NUTM2A: variants seen among roughly 807,000 people sequenced by gnomAD.
NUTM2A encodes NUT family member 2A, also known as family with sequence similarity 22, member A.
Under a neutral mutation model 24.4 loss-of-function variants are expected in NUTM2A, and 3 were observed. The ratio of observed to expected loss-of-function variants is 0.12; its 90% confidence interval spans 0.06 to 0.32. NUTM2A has a LOEUF of 0.32. Ranked by LOEUF, NUTM2A falls within the 10% of genes least tolerant of loss-of-function variation. The pLI is 1.00. For synonymous variants in NUTM2A, 11 were observed against 278.4 expected (o/e 0.04, Z 9.56); for missense variants, 39 against 631.1 (o/e 0.06, Z 10.05).
At chr10:87,233,206 A>C (rs1195247753) in intron 5 of NUTM2A, among the ~76,000 whole-genome samples, 2 of 90,362 alleles carry the variant, frequency 2.2e-5, no homozygotes, top group East Asian at 4.9e-4. Flanking sequence ...GTGAGTGTGG[A>C]GTGTGTACGT....
Position 87,234,835 on chromosome 10 carries a change from G to C in NUTM2A, c.*127G>C, listed in dbSNP as rs1849411781. The C allele has an allele frequency of 7.6e-7, 1 of 1,319,890 alleles. No homozygotes were observed. Among genetic ancestry groups the C allele is most frequent in the Non-Finnish European group, 1.0e-6 (1 of 992,820 alleles). The allele number at this position is 1,319,890 out of a possible 1,614,324, so 81.8% of individuals were successfully genotyped here. Reference sequence around the variant, plus strand: ...TGCTGGGCCTTAGCTTTGGAGGGTAGGGGAGGGAGGGGAGGGAGAGGGTGG... The same window carrying C: ...TGCTGGGCCTTAGCTTTGGAGGGTACGGGAGGGAGGGGAGGGAGAGGGTGG... On this transcript the variant is annotated 3_prime_UTR_variant, in exon 7 of 7. Coordinates refer to ENST00000381707, the MANE Select transcript of NUTM2A (RefSeq NM_001099338.2).
chr10:87,229,440 T>C, intron 2 of NUTM2A, among the ~76,000 whole-genome samples: 1 of 152,352 alleles, frequency 6.6e-6, no homozygotes, highest in Non-Finnish European at 1.5e-5. Context: ...TGGTGGAGCC[T>C]GCACAGGGGG....
In NUTM2A at chr10:87,228,649, G is replaced by GT; in HGVS notation, c.771dup (p.Met258TyrfsTer13). ...CCTGGCAGCTGCTCCTGTGGTGCCT[G>GT]TTATGGCTGCCCAGGTGGTTGGGGG... On this transcript the variant is annotated frameshift_variant, in exon 2 of 7. Coordinates refer to ENST00000381707, the MANE Select transcript of NUTM2A (RefSeq NM_001099338.2). LOFTEE classifies it high-confidence loss of function. 7.2e-7 allele frequency: 1 copy of GT among 1,397,398 alleles called. No homozygotes were observed. Among genetic ancestry groups the GT allele is most frequent in the Non-Finnish European group, 9.7e-7 (1 of 1,032,368 alleles). 86.6% of individuals were successfully genotyped at this position (1,397,398 alleles called of 1,614,324 possible).
intron 2 of NUTM2A, 87 bp downstream of exon 2, chr10:87,229,049 G>A (rs1849351119): frequency 9.2e-7 from 1 of 1,085,530 alleles, no homozygotes. Flanking sequence ...CTGTTCAGGG[G>A]AGCTTGCAGG....
chr10:87,229,264 G>A (rs1849354753), intron 2 of NUTM2A, among the ~76,000 whole-genome samples: 1 of 152,190 alleles, frequency 6.6e-6, no homozygotes, highest in Non-Finnish European at 1.5e-5. Context: ...TGTGACGTGA[G>A]CTACGGTTTG....
intron 2 of NUTM2A, among the ~76,000 whole-genome samples, 163 bp downstream of exon 2, chr10:87,229,125 G>A (rs374549799): frequency 1.4e-4 from 21 of 152,310 alleles, no homozygotes; most frequent in East Asian, 1.2e-3. Context: ...ATCTGGCTGC[G>A]GCTCAGGACA....
chr10:87,234,954 G>A lies in NUTM2A; in HGVS notation c.*246G>A. 2 of 1,473,544 alleles carry A rather than the reference G, an allele frequency of 1.4e-6. No homozygotes were observed. Among genetic ancestry groups the A allele is most frequent in the South Asian group, 1.4e-5 (1 of 72,918 alleles). The allele number at this position is 1,473,544 out of a possible 1,614,324, so 91.3% of individuals were successfully genotyped here. On this transcript the variant is annotated 3_prime_UTR_variant, in exon 7 of 7. Coordinates refer to ENST00000381707, the MANE Select transcript of NUTM2A (RefSeq NM_001099338.2). ...CGTTGGGGGCCTCGTGTGTAAGTGT[G>A]AATAAATGTAGTTGTCTTGGAAAAT...
Position 87,234,969 on chromosome 10 carries a change from T to A in NUTM2A, c.*261T>A. 6.7e-7 allele frequency: 1 copy of A among 1,495,616 alleles called. No individual in the cohort carries two copies. Among genetic ancestry groups the A allele is most frequent in the Admixed American group, 2.2e-5 (1 of 46,166 alleles). 92.6% of individuals were successfully genotyped at this position (1,495,616 alleles called of 1,614,324 possible). ...GTGTAAGTGTGAATAAATGTAGTTG[T>A]CTTGGAAAATGCTCTTGGGGCTGCT... On this transcript the variant is annotated 3_prime_UTR_variant, in exon 7 of 7. Transcript: ENST00000381707.
intron 2 of NUTM2A, among the ~76,000 whole-genome samples, chr10:87,229,487 A>G (rs1849358907): frequency 6.6e-6 from 1 of 152,230 alleles, no homozygotes; most frequent in African/African-American, 2.4e-5. Context: ...GATGCCGAGC[A>G]GGTATTTGCA....
intron 2 of NUTM2A, among the ~76,000 whole-genome samples, chr10:87,229,359 G>T (rs1424497699): frequency 6.6e-6 from 1 of 152,208 alleles, no homozygotes; most frequent in Admixed American, 6.5e-5. Context: ...GGGCCGGGGG[G>T]AGGAGCTGCA....
intron 2 of NUTM2A, among the ~76,000 whole-genome samples, chr10:87,229,320 A>G (rs572528894): frequency 6.6e-6 from 1 of 152,228 alleles, no homozygotes; most frequent in African/African-American, 2.4e-5. Context: ...CCTTTAACCC[A>G]GTATTGATGG....
rs1403902355 is a variant in NUTM2A, at chr10:87,228,432, A to G, written c.552A>G (p.Thr184=). The change falls in exon 2 of 7, where the codon ACA becomes ACG. Residue 184 remains threonine (T), a synonymous_variant. Coordinates refer to ENST00000381707, the MANE Select transcript of NUTM2A (RefSeq NM_001099338.2). ...GPLVLSTLPS[T]PLVTEQDGCG... is the part of the protein sequence containing the mutation. ...TGGTGCTGTCTACCCTCCCCAGCAC[A>G]CCTCTGGTGACAGAACAGGATGGCT... is the stretch of plus-strand genomic sequence containing the variant. 3 of 1,611,704 alleles carry G rather than the reference A, an allele frequency of 1.9e-6. No individual in the cohort carries two copies. In the African/African-American group the frequency reaches 4.0e-5, roughly 22 times the overall value.
chr10:87,228,855 C>G lies in NUTM2A; in HGVS notation c.975C>G (p.Asn325Lys), dbSNP rs1849346800. 1 of 1,210,550 alleles carries G rather than the reference C, an allele frequency of 8.3e-7. No homozygotes were observed. Among genetic ancestry groups the G allele is most frequent in the Non-Finnish European group, 1.2e-6 (1 of 833,922 alleles). The allele number at this position is 1,210,550 out of a possible 1,614,324, so 75.0% of individuals were successfully genotyped here. ...AGGCCCCGCCAGATGACTCCTGTAA[C>G]CCCAGGAGTGTCTATGAGAACTTCC... is the stretch of plus-strand genomic sequence containing the variant. Reference protein sequence around the residue: ...QAKAPPDDSCNPRSVYENFRL... With the variant: ...QAKAPPDDSCKPRSVYENFRL... The change falls in exon 2 of 7, where the codon AAC becomes AAG. Residue 325 changes from asparagine (N) to lysine (K), a missense_variant. By Grantham distance (94) the Asn-to-Lys change is moderately conservative. Coordinates refer to ENST00000381707, the MANE Select transcript of NUTM2A (RefSeq NM_001099338.2).
intron 2 of NUTM2A, among the ~76,000 whole-genome samples, chr10:87,229,718 G>T (rs1288605479): frequency 2.0e-5 from 3 of 151,634 alleles, no homozygotes; most frequent in Admixed American, 6.6e-5. Flanking sequence ...TCCAGTGATA[G>T]CTCTGAGTGC....
Position 87,234,929 on chromosome 10 carries a change from C to G in NUTM2A, c.*221C>G, listed in dbSNP as rs546940036. ...TGGGGAGTGGGGGTGGGAAGCAGTG[C>G]GTTGGGGGCCTCGTGTGTAAGTGTG... On this transcript the variant is annotated 3_prime_UTR_variant, in exon 7 of 7. Coordinates refer to ENST00000381707, the MANE Select transcript of NUTM2A (RefSeq NM_001099338.2). The G allele has an allele frequency of 6.9e-5, 93 of 1,356,270 alleles. No homozygotes were observed. The highest frequency in any genetic ancestry group is 2.9e-5 in the South Asian group (2 of 68,192). The allele number at this position is 1,356,270 out of a possible 1,614,324, so 84.0% of individuals were successfully genotyped here. A position where few individuals can be genotyped will look rare whatever the true frequency, so the allele number is the denominator to read the frequency against.
rs572528894 is a variant in NUTM2A at position 87,229,320 on chromosome 10, A to T, written c.1082+358A>T. 4.6e-5 allele frequency among the ~76,000 whole-genome samples: 7 copies of T among 152,344 alleles called. No individual in the cohort carries two copies. The South Asian group carries it at 1.5e-3, about 32-fold the overall frequency. On this transcript the variant is annotated intron_variant, in intron 2 of 6. Transcript: ENST00000381707. ...CGCCCCAGTGCCTCCCCTTTAACCC[A>T]GTATTGATGGCCAGGAGCACCTCAC...
chr10:87,233,156 T>C (rs1247267285), intron 5 of NUTM2A, among the ~76,000 whole-genome samples, 171 bp downstream of exon 5: 1 of 111,798 alleles, frequency 8.9e-6, no homozygotes, highest in East Asian at 2.1e-4. Context: ...TGTTTGTGTC[T>C]GTGGTTTGTT....
At position 87,234,937 on chromosome 10, in the gene NUTM2A, G is replaced by A. The variant is rs1849414053; in HGVS notation, c.*229G>A. 1 of 1,444,488 alleles carries A rather than the reference G, an allele frequency of 6.9e-7. No individual in the cohort carries two copies. Among genetic ancestry groups the A allele is most frequent in the Non-Finnish European group, 9.2e-7 (1 of 1,092,888 alleles). 89.5% of individuals were successfully genotyped at this position (1,444,488 alleles called of 1,614,324 possible). On this transcript the variant is annotated 3_prime_UTR_variant, in exon 7 of 7. Transcript: ENST00000381707. Reference sequence around the variant, plus strand: ...GGGGGTGGGAAGCAGTGCGTTGGGGGCCTCGTGTGTAAGTGTGAATAAATG... The same window carrying A: ...GGGGGTGGGAAGCAGTGCGTTGGGGACCTCGTGTGTAAGTGTGAATAAATG...
At chr10:87,229,117 C>T (rs1245604191) in intron 2 of NUTM2A, among the ~76,000 whole-genome samples, 155 bp downstream of exon 2, 2 of 152,332 alleles carry the variant, frequency 1.3e-5, no homozygotes, top group African/African-American at 4.8e-5. Context: ...CCATATTAAT[C>T]TGGCTGCGGC....
Sources: allele counts gnomAD v4.1 joint callset (sites outside exome capture counted in the v4.1 genomes callset), GRCh38; gene constraint gnomAD v4.1.1; transcripts MANE v1.5; gene names NCBI Gene and HGNC (gene_info 2026-07-23, HGNC 2026-07-21).